Variants in LARGE1 observed in about 807,000 individuals in gnomAD.
LARGE1 encodes xylosyl- and glucuronyltransferase LARGE1.
Under a neutral mutation model 87.6 loss-of-function variants are expected in LARGE1, and 43 were observed. The ratio of observed to expected loss-of-function variants is 0.49; its 90% CI spans 0.38 to 0.63. The LOEUF is 0.63. Among genes scored for constraint, LARGE1 ranks in the 30% least tolerant of loss-of-function variants. The pLI is 0.00. For synonymous variants in LARGE1, 434 were observed against 394.6 expected (o/e 1.10, Z -1.18); for missense variants, 802 against 1,000.2 (o/e 0.80, Z 2.67).
chr22:33,834,455 C>T (rs985411927), intron 1 of LARGE1, among the ~76,000 whole-genome samples: 1 of 152,122 alleles, frequency 6.6e-6, no homozygotes, highest in African/African-American at 2.4e-5. Flanking sequence ...CATCCTGGCT[C>T]AAAAGCTCCC....
intron 1 of LARGE1, among the ~76,000 whole-genome samples, chr22:33,841,140 G>A (rs551120377): frequency 5.0e-4 from 76 of 152,288 alleles, no homozygotes; most frequent in African/African-American, 1.5e-3. Context: ...TGTATTAAAC[G>A]CAAATTTTGA....
rs145260683 is a variant in LARGE1 at position 33,786,212 on chromosome 22, G to A, written c.-82-24654C>T. On this transcript the variant is annotated intron_variant, in intron 1 of 14. Coordinates refer to ENST00000397394, the MANE Select transcript of LARGE1 (RefSeq NM_133642.5). Reference sequence around the variant, plus strand: ...CCAAGTTCTAATAAGGCCCTTCTTAGAAGAAAAAGGCTCTTATTTTTACTA... The same window carrying A: ...CCAAGTTCTAATAAGGCCCTTCTTAAAAGAAAAAGGCTCTTATTTTTACTA... Among the ~76,000 whole-genome samples, 8 of 152,218 alleles carry A rather than the reference G, an allele frequency of 5.3e-5. No homozygotes were observed. The East Asian group carries it at 1.5e-3, about 29-fold the overall frequency.
At chr22:33,615,362 A>C (rs1342099308) in intron 4 of LARGE1, among the ~76,000 whole-genome samples, 2 of 152,210 alleles carry the variant, frequency 1.3e-5, no homozygotes, top group Non-Finnish European at 2.9e-5. Flanking sequence ...ATTACCTGGA[A>C]GTTAGGTACA....
chr22:33,804,231 A>T (rs1166066504), intron 1 of LARGE1, among the ~76,000 whole-genome samples: 5 of 152,166 alleles, frequency 3.3e-5, no homozygotes, highest in African/African-American at 1.2e-4. Flanking sequence ...TTCTCTGGGA[A>T]TTGCCTTTAG....
At position 33,364,123 on chromosome 22, in the gene LARGE1, C is replaced by T. The variant is rs576903430; in HGVS notation, c.1131+17796G>A. 6.6e-5 allele frequency among the ~76,000 whole-genome samples: 10 copies of T among 151,816 alleles called. 1 individual carries two copies. In the East Asian group the frequency reaches 1.7e-3, roughly 26 times the overall value. On this transcript the variant is annotated intron_variant, in intron 9 of 14. Transcript: ENST00000397394. ...AGGCTGGAGTGCAGTGGCGCAATCT[C>T]GGCTCACTGCAAACTCCGCCCCCCG...
the LARGE1 span, among the ~76,000 whole-genome samples, chr22:33,154,058 C>A: frequency 4.0e-5 from 6 of 151,782 alleles, no homozygotes; most frequent in Non-Finnish European, 8.8e-5. Flanking sequence ...CCAGTGCCTA[C>A]AAAATGTTGC....
intron 7 of LARGE1, among the ~76,000 whole-genome samples, chr22:33,417,194 C>G (rs1011444669): frequency 6.6e-6 from 1 of 152,176 alleles, no homozygotes; most frequent in African/African-American, 2.4e-5. Context: ...CGTGAGCCAC[C>G]GTGCCCAGCC....
At chr22:33,205,499 G>C (rs1924630138) in intron 11 of LARGE1, among the ~76,000 whole-genome samples, 1 of 152,194 alleles carries the variant, frequency 6.6e-6, no homozygotes, top group South Asian at 2.1e-4. Context: ...AATAAAAAGA[G>C]AGTTTCAGTG....
intron 6 of LARGE1, among the ~76,000 whole-genome samples, chr22:33,439,733 T>G (rs564947828): frequency 9.2e-5 from 14 of 152,296 alleles, no homozygotes; most frequent in South Asian, 4.1e-4. Context: ...TCTTCTTAGG[T>G]GATTTGGCTG....
intron 6 of LARGE1, among the ~76,000 whole-genome samples, chr22:33,553,705 A>C (rs2077595102): frequency 6.6e-6 from 1 of 152,148 alleles, no homozygotes; most frequent in Non-Finnish European, 1.5e-5. Flanking sequence ...TTTAGAGTTG[A>C]GCAACACCCC....
At chr22:33,712,574 G>C (rs910358659) in intron 2 of LARGE1, among the ~76,000 whole-genome samples, 1 of 151,796 alleles carries the variant, frequency 6.6e-6, no homozygotes, top group African/African-American at 2.4e-5. Flanking sequence ...CGAAAGAAAT[G>C]GGTAGAGAAG....
At chr22:33,231,086 G>C (rs1360682639) in intron 11 of LARGE1, among the ~76,000 whole-genome samples, 1 of 149,866 alleles carries the variant, frequency 6.7e-6, no homozygotes. Flanking sequence ...GTTGTTTGTT[G>C]GTTGATTTGT....
the LARGE1 span, among the ~76,000 whole-genome samples, chr22:33,114,799 G>T: frequency 6.6e-6 from 1 of 152,136 alleles, no homozygotes; most frequent in South Asian, 2.1e-4. Context: ...GTGGTAGTGA[G>T]GACAAAACAT....
At chr22:33,444,727 A>C (rs2067618385) in intron 6 of LARGE1, among the ~76,000 whole-genome samples, 1 of 152,228 alleles carries the variant, frequency 6.6e-6, no homozygotes, top group Non-Finnish European at 1.5e-5. Context: ...TCATGAGATA[A>C]GTTATTCATC....
intron 11 of LARGE1, among the ~76,000 whole-genome samples, chr22:33,224,073 C>T (rs1925596474): frequency 6.6e-6 from 1 of 152,120 alleles, no homozygotes; most frequent in South Asian, 2.1e-4. Flanking sequence ...ACTGGCAGAT[C>T]AGGAGATCGA....
At chr22:33,522,039 G>A (rs1245715674) in intron 6 of LARGE1, among the ~76,000 whole-genome samples, 2 of 152,110 alleles carry the variant, frequency 1.3e-5, no homozygotes, top group African/African-American at 2.4e-5. Context: ...ATGTGAACTC[G>A]GAGCAAGAAG....
At chr22:33,651,328 C>T (rs1435643768) in intron 2 of LARGE1, among the ~76,000 whole-genome samples, 1 of 130,742 alleles carries the variant, frequency 7.6e-6, no homozygotes, top group African/African-American at 2.9e-5. Flanking sequence ...GGAGGCGGAG[C>T]TTGCAGTGAG....
intron 6 of LARGE1, among the ~76,000 whole-genome samples, chr22:33,498,928 C>T (rs779979347): frequency 1.2e-4 from 18 of 151,902 alleles, no homozygotes; most frequent in African/African-American, 1.9e-4. Context: ...GCCGAGATCG[C>T]GCCACTGCAC....
downstream of LARGE1, among the ~76,000 whole-genome samples, chr22:33,159,671 G>A (rs1031030398): frequency 9.3e-5 from 14 of 149,760 alleles, no homozygotes; most frequent in East Asian, 3.9e-4. Context: ...TGCAAGCTCC[G>A]CCTCCCGGGT....
Sources: allele counts gnomAD v4.1 joint callset (sites outside exome capture counted in the v4.1 genomes callset), GRCh38; gene constraint gnomAD v4.1.1; transcripts MANE v1.5; gene names NCBI Gene and HGNC (gene_info 2026-07-23, HGNC 2026-07-21).